The following SPIN1 variants were observed in gnomAD, a reference collection of about 807,000 sequenced individuals.
SPIN1 encodes the protein spindlin-1.
Under a neutral mutation model 26.0 loss-of-function variants are expected in SPIN1, and 3 were observed. The ratio of observed to expected loss-of-function variants is 0.12; its 90% CI spans 0.05 to 0.30. The LOEUF is 0.30. Ranked by LOEUF, SPIN1 falls within the 10% of genes least tolerant of loss-of-function variation. The probability of loss-of-function intolerance (pLI) is 1.00; values close to 1 mark genes in which losing one functional copy is unlikely to be tolerated. For missense variants in SPIN1, 126 were observed against 333.4 expected, an observed-to-expected ratio of 0.38 and a Z score of 4.84; for synonymous variants, 101 against 116.5, an observed-to-expected ratio of 0.87 and a Z score of 0.86.
chr9:88,420,691 A>G (rs1827652090), intron 1 of SPIN1, among the ~76,000 whole-genome samples: 1 of 152,190 alleles, frequency 6.6e-6, no homozygotes, highest in African/African-American at 2.4e-5. Context: ...GTTAATCTAC[A>G]ATGAAGATTA....
At chr9:88,419,187 C>A (rs1827627273) in intron 1 of SPIN1, among the ~76,000 whole-genome samples, 1 of 152,150 alleles carries the variant, frequency 6.6e-6, no homozygotes, top group Non-Finnish European at 1.5e-5. Context: ...TACCCTCATT[C>A]CTATTACGTG....
At chr9:88,389,797 C>G (rs1695832228) in intron 1 of SPIN1, among the ~76,000 whole-genome samples, 1 of 152,110 alleles carries the variant, frequency 6.6e-6, no homozygotes, top group African/African-American at 2.4e-5. Context: ...TTCTACATCG[C>G]TTTTGTTAAG....
At chr9:88,414,566 G>C (rs1022761904) in intron 1 of SPIN1, among the ~76,000 whole-genome samples, 4 of 152,206 alleles carry the variant, frequency 2.6e-5, no homozygotes, top group African/African-American at 9.7e-5. Context: ...AGCTGTGCCT[G>C]AGCGCCTGCA....
chr9:88,403,356 C>G (rs1014280562), intron 1 of SPIN1, among the ~76,000 whole-genome samples: 1 of 152,060 alleles, frequency 6.6e-6, no homozygotes, highest in African/African-American at 2.4e-5. Flanking sequence ...TCCTTAGTTC[C>G]GATACCTTTT....
chr9:88,457,174 G>A (rs1828488667), intron 3 of SPIN1, among the ~76,000 whole-genome samples: 1 of 145,182 alleles, frequency 6.9e-6, no homozygotes, highest in African/African-American at 2.7e-5. Flanking sequence ...GCTCTCTCTA[G>A]GTTGACCAGC....
chr9:88,411,754 A>G (rs750018268), intron 1 of SPIN1, among the ~76,000 whole-genome samples: 12 of 152,056 alleles, frequency 7.9e-5, no homozygotes, highest in Non-Finnish European at 1.3e-4. Flanking sequence ...GGCTCAAGCA[A>G]TCCTCCCTCC....
At chr9:88,471,339 T>C (rs971966162) in intron 5 of SPIN1, among the ~76,000 whole-genome samples, 1 of 152,104 alleles carries the variant, frequency 6.6e-6, no homozygotes, top group East Asian at 1.9e-4. Flanking sequence ...AAGCACCATA[T>C]TTTGAAAAGA....
intron 5 of SPIN1, among the ~76,000 whole-genome samples, chr9:88,469,100 A>G (rs577014961): frequency 7.1e-4 from 108 of 152,294 alleles, no homozygotes; most frequent in Admixed American, 1.2e-3. Context: ...CATGGAAGAC[A>G]GTTTTCTGTG....
At chr9:88,420,556 A>G (rs1382098856) in intron 1 of SPIN1, among the ~76,000 whole-genome samples, 3 of 152,222 alleles carry the variant, frequency 2.0e-5, no homozygotes, top group Admixed American at 6.5e-5. Flanking sequence ...TTTTCCATAC[A>G]AGGTTGGTTT....
intron 1 of SPIN1, among the ~76,000 whole-genome samples, chr9:88,413,957 C>T (rs963690955): frequency 1.3e-5 from 2 of 151,670 alleles, no homozygotes; most frequent in Non-Finnish European, 2.9e-5. Context: ...GTTTCCATCA[C>T]ACTCAAGTTT....
intron 1 of SPIN1, among the ~76,000 whole-genome samples, chr9:88,398,816 C>T (rs569848895): frequency 5.6e-4 from 85 of 151,980 alleles, no homozygotes; most frequent in Non-Finnish European, 1.1e-3. Context: ...TCAGGTCATC[C>T]GCCTGCCTTG....
At chr9:88,466,660 C>T (rs915884299) in intron 4 of SPIN1, among the ~76,000 whole-genome samples, 19 of 152,294 alleles carry the variant, frequency 1.2e-4, no homozygotes, top group African/African-American at 3.9e-4. Context: ...GAAAATCTCA[C>T]TTTTTTGTTT....
At chr9:88,456,955 ATAT>A (rs971889695) in intron 3 of SPIN1, among the ~76,000 whole-genome samples, 1 of 152,206 alleles carries the variant, frequency 6.6e-6, no homozygotes, top group Non-Finnish European at 1.5e-5. Context: ...GACATTAAAA[ATAT>A]TATGCAAGAT....
At chr9:88,417,013 A>T (rs372173109) in intron 1 of SPIN1, among the ~76,000 whole-genome samples, 1 of 152,170 alleles carries the variant, frequency 6.6e-6, no homozygotes, top group South Asian at 2.1e-4. Flanking sequence ...ATTTGCTTAC[A>T]TTTTGCTCTA....
chr9:88,390,232 C>G (rs181009752), intron 1 of SPIN1, among the ~76,000 whole-genome samples: 2 of 152,296 alleles, frequency 1.3e-5, no homozygotes, highest in East Asian at 1.9e-4. Flanking sequence ...CCTGGAACAG[C>G]CATTGCGATG....
At chr9:88,411,502 G>C in intron 1 of SPIN1, 1 of 809,408 alleles carries the variant, frequency 1.2e-6, no homozygotes, top group Non-Finnish European at 2.0e-6. Flanking sequence ...ATGCTTCAGC[G>C]TCATCCATGG....
intron 2 of SPIN1, among the ~76,000 whole-genome samples, chr9:88,435,743 G>T (rs1381220058): frequency 6.6e-6 from 1 of 152,042 alleles, no homozygotes; most frequent in Non-Finnish European, 1.5e-5. Context: ...TTACACTTCT[G>T]TTGTGTGGAG....
chr9:88,395,450 GGTT>G (rs1391154663), intron 1 of SPIN1, among the ~76,000 whole-genome samples: 1 of 151,922 alleles, frequency 6.6e-6, no homozygotes, highest in Non-Finnish European at 1.5e-5. Flanking sequence ...TGAACATTTG[GGTT>G]GTTTATATTC....
intron 3 of SPIN1, among the ~76,000 whole-genome samples, chr9:88,457,374 G>GA (rs1828491857): frequency 6.6e-6 from 1 of 151,866 alleles, no homozygotes. Context: ...ACTAAAAATG[G>GA]AAAAATTAGC....
Sources: gnomAD v4.1 joint callset for allele counts (sites outside exome capture counted in the v4.1 genomes callset) on GRCh38, gnomAD v4.1.1 for gene constraint, MANE v1.5 for transcripts, NCBI Gene and HGNC (gene_info 2026-07-23, HGNC 2026-07-21) for gene names.